The following TBXAS1 variants were observed in gnomAD, a reference collection of about 807,000 sequenced individuals.
The protein encoded by TBXAS1 is thromboxane A synthase 1.
Under a neutral mutation model 60.7 loss-of-function variants are expected in TBXAS1, and 48 were observed. The observed-to-expected ratio is 0.79, with a 90% CI of 0.63 to 1.01. TBXAS1 has a LOEUF of 1.01. TBXAS1 is among the 50% of genes least tolerant of loss of function. The probability of loss-of-function intolerance (pLI) is 0.00; values close to 1 mark genes in which losing one functional copy is unlikely to be tolerated. For missense variants in TBXAS1, 685 were observed against 686.3 expected, an observed-to-expected ratio of 1.00 and a Z score of 0.02; for synonymous variants, 287 against 269.7, an observed-to-expected ratio of 1.06 and a Z score of -0.63.
intron 9 of TBXAS1, among the ~76,000 whole-genome samples, chr7:139,964,564 A>C (rs1810631917): frequency 6.6e-6 from 1 of 152,240 alleles, no homozygotes; most frequent in Non-Finnish European, 1.5e-5. Context: ...AGGGAAGCCC[A>C]GCGCTCTGGT....
At chr7:139,955,687 G>A in intron 7 of TBXAS1, 80 bp downstream of exon 7, 1 of 1,595,710 alleles carries the variant, frequency 6.3e-7, no homozygotes, top group South Asian at 1.1e-5. Context: ...GTGGCTTCTG[G>A]GGCTCTGTCC....
intron 1 of TBXAS1, among the ~76,000 whole-genome samples, chr7:139,780,134 G>C (rs1796936632): frequency 6.6e-6 from 1 of 152,218 alleles, no homozygotes; most frequent in Non-Finnish European, 1.5e-5. Context: ...ATGAGAAGGA[G>C]AACAATAGTA....
chr7:139,861,818 G>A (rs1418386474), intron 1 of TBXAS1, among the ~76,000 whole-genome samples: 3 of 152,178 alleles, frequency 2.0e-5, no homozygotes, highest in Non-Finnish European at 4.4e-5. Context: ...TGAAGTCAAG[G>A]TGTCAGGCAG....
chr7:139,936,109 G>A (rs970467548), intron 4 of TBXAS1, 82 bp from the exon 5 acceptor site: 1 of 1,277,314 alleles, frequency 7.8e-7, no homozygotes, highest in East Asian at 2.3e-5. Context: ...CTTTAACCAG[G>A]GTGTTTGTCA....
chr7:139,832,171 CA>C (rs1167907759), intron 1 of TBXAS1, among the ~76,000 whole-genome samples: 4 of 152,190 alleles, frequency 2.6e-5, no homozygotes, highest in African/African-American at 9.7e-5. Context: ...GTGAGTGCCC[CA>C]ACTGCGGAAG....
In TBXAS1 at chr7:139,951,968, AAG is replaced by A. The variant is rs767879895; in HGVS notation, c.451-1398_451-1397del. On this transcript the variant is annotated intron_variant, in intron 5 of 12. Transcript: ENST00000448866. ...AAGAAAGAAAAGAAAGAAAGAAAGA[AAG>A]AAAGAAAGAAAGAAAGAAAGAAAGA... Among the ~76,000 whole-genome samples the A allele has an allele frequency of 2.8e-3, 394 of 142,298 alleles. 11 individuals are homozygous for A. The highest frequency in any genetic ancestry group is 4.4e-3 in the South Asian group (19 of 4,320). 93.4% of individuals were successfully genotyped at this position (142,298 alleles called of 152,430 possible). A position where few individuals can be genotyped will look rare whatever the true frequency, so the allele number is the denominator to read the frequency against.
Position 139,953,467 on chromosome 7 carries a change from T to A in TBXAS1, c.539+11T>A. On this transcript the variant is annotated intron_variant, in intron 6 of 12. Transcript: ENST00000448866. ...ATTTGACATCCAGAGGTAAGGCTGCTGCATTACAGATGAGAAATCGAGTTT... is the reference window on the plus strand; with the variant it reads ...ATTTGACATCCAGAGGTAAGGCTGCAGCATTACAGATGAGAAATCGAGTTT... 1 of 1,612,458 alleles carries A rather than the reference T, an allele frequency of 6.2e-7. No homozygotes were observed. Among genetic ancestry groups the A allele is most frequent in the African/African-American group, 1.3e-5 (1 of 75,036 alleles).
intron 2 of TBXAS1, among the ~76,000 whole-genome samples, chr7:139,782,271 T>C (rs963998055): frequency 5.3e-5 from 8 of 152,066 alleles, no homozygotes; most frequent in Non-Finnish European, 1.2e-4. Context: ...TCAGGGTGCA[T>C]TGAAGAACAA....
chr7:139,888,672 G>C (rs1803306312), intron 3 of TBXAS1, among the ~76,000 whole-genome samples: 1 of 152,194 alleles, frequency 6.6e-6, no homozygotes, highest in Non-Finnish European at 1.5e-5. Flanking sequence ...AGAGGTGGCA[G>C]GTGGCCTGTG....
chr7:139,890,769 C>T (rs932837564), intron 3 of TBXAS1, among the ~76,000 whole-genome samples: 1 of 152,182 alleles, frequency 6.6e-6, no homozygotes, highest in East Asian at 1.9e-4. Flanking sequence ...TTTTATCCTG[C>T]AGTGCTATGG....
At chr7:139,883,650 A>G (rs931872942) in intron 3 of TBXAS1, among the ~76,000 whole-genome samples, 5 of 152,096 alleles carry the variant, frequency 3.3e-5, no homozygotes, top group African/African-American at 1.2e-4. Context: ...TGTTACCTTA[A>G]TGGATTTAGG....
intron 1 of TBXAS1, among the ~76,000 whole-genome samples, chr7:139,846,384 T>C (rs1026447566): frequency 1.3e-5 from 2 of 152,220 alleles, no homozygotes; most frequent in African/African-American, 4.8e-5. Flanking sequence ...CAGGTCTCCG[T>C]GTCTCAGTTT....
Position 139,961,962 on chromosome 7 carries a change from C to T in TBXAS1, c.863C>T (p.Ser288Phe). The T allele has an allele frequency of 1.9e-6, 3 of 1,614,258 alleles. No homozygotes were observed. The highest frequency in any genetic ancestry group is 1.1e-5 in the South Asian group (1 of 91,088). The change falls in exon 9 of 13, where the codon TCT becomes TTT. Residue 288 changes from serine to phenylalanine, a missense_variant. Transcript: ENST00000448866. ...FLQMVLDARH[S>F]ASPMGVQDFD... Reference sequence around the variant, plus strand: ...CAAATGGTCCTGGATGCCCGACATTCTGCAAGTCCCATGGGCGTGCAAGAC... The same window carrying T: ...CAAATGGTCCTGGATGCCCGACATTTTGCAAGTCCCATGGGCGTGCAAGAC...
intron 1 of TBXAS1, among the ~76,000 whole-genome samples, chr7:139,864,888 C>A (rs116635395): frequency 0.016 from 2,409 of 152,250 alleles, 37 homozygotes; most frequent in African/African-American, 0.036. Context: ...ATTGTAGAAT[C>A]TGGCTCAACA....
At chr7:139,935,646 C>T (rs1340703648) in intron 4 of TBXAS1, among the ~76,000 whole-genome samples, 1 of 151,724 alleles carries the variant, frequency 6.6e-6, no homozygotes, top group East Asian at 1.9e-4. Flanking sequence ...TTATGGCAGG[C>T]ATGCTCCCGG....
At chr7:139,803,447 A>C (rs1797769004) in intron 4 of TBXAS1, among the ~76,000 whole-genome samples, 1 of 152,212 alleles carries the variant, frequency 6.6e-6, no homozygotes, top group Admixed American at 6.5e-5. Flanking sequence ...AGTTTGGAAA[A>C]TTTTCAGCCT....
chr7:140,007,483 T>G (rs972548494), intron 10 of TBXAS1, among the ~76,000 whole-genome samples: 2 of 152,222 alleles, frequency 1.3e-5, no homozygotes, highest in Non-Finnish European at 2.9e-5. Context: ...GCCTGTTCGT[T>G]CATTCATTCA....
chr7:139,952,569 C>G, intron 5 of TBXAS1: 1 of 1,537,106 alleles, frequency 6.5e-7, no homozygotes, highest in South Asian at 1.2e-5. Context: ...TTTAATCATG[C>G]AAGAGAGAAT....
chr7:139,952,539 C>G, intron 5 of TBXAS1: 2 of 1,536,184 alleles, frequency 1.3e-6, no homozygotes, highest in Middle Eastern at 1.7e-4. Context: ...TGATTCTGCT[C>G]GATATTTTCA....
Sources: gnomAD v4.1 joint callset for allele counts (sites outside exome capture counted in the v4.1 genomes callset) on GRCh38, gnomAD v4.1.1 for gene constraint, MANE v1.5 for transcripts, NCBI Gene and HGNC (gene_info 2026-07-23, HGNC 2026-07-21) for gene names.